LEPR: variants seen among roughly 807,000 people sequenced by gnomAD.
LEPR encodes OB receptor.
In LEPR, 56 loss-of-function variants were observed where a neutral mutation model predicts 114.7. The observed-to-expected ratio is 0.49, with a 90% CI of 0.39 to 0.61. LEPR has a LOEUF of 0.61. LEPR is among the 20% of genes least tolerant of loss of function. The pLI, the probability that LEPR is intolerant of heterozygous loss-of-function variation, is 0.00. For synonymous variants in LEPR, 443 were observed against 461.4 expected (o/e 0.96, Z 0.51); for missense variants, 1,202 against 1,352.9 (o/e 0.89, Z 1.75).
At chr1:65,552,707 C>T (rs1652495029) in intron 2 of LEPR, among the ~76,000 whole-genome samples, 1 of 152,070 alleles carries the variant, frequency 6.6e-6, no homozygotes, top group Middle Eastern at 3.2e-3. Context: ...GGCATTTAGC[C>T]CATTTACATT....
chr1:65,567,150 G>A (rs2100790697), intron 3 of LEPR, among the ~76,000 whole-genome samples: 1 of 152,256 alleles, frequency 6.6e-6, no homozygotes, highest in South Asian at 2.1e-4. Flanking sequence ...TTAGAGTTTA[G>A]GATTCATTTG....
intron 2 of LEPR, chr1:65,427,729 G>C (rs1297524999): frequency 2.7e-6 from 1 of 363,650 alleles, no homozygotes; most frequent in South Asian, 2.1e-5. Context: ...ACTCATTACT[G>C]CTACTACAAA....
At chr1:65,447,624 C>T (rs1030463662) in intron 2 of LEPR, among the ~76,000 whole-genome samples, 1 of 151,662 alleles carries the variant, frequency 6.6e-6, no homozygotes, top group African/African-American at 2.4e-5. Context: ...CTTTGGCCTC[C>T]TGGGCTCAGG....
At position 65,464,102 on chromosome 1, in the gene LEPR, T is replaced by G. The variant is rs563267152; in HGVS notation, c.-21+38724T>G. 1.6e-4 allele frequency among the ~76,000 whole-genome samples: 24 copies of G among 152,284 alleles called. No homozygotes were observed. In the South Asian group the frequency reaches 5.0e-3, roughly 32 times the overall value. On this transcript the variant is annotated intron_variant, in intron 2 of 19. Transcript: ENST00000349533. ...GAGAGAGGGCATCCTTGTCTTGTGCTGGTTTTCAAAGGGAATGCTTCCAGT... is the reference window on the plus strand; with the variant it reads ...GAGAGAGGGCATCCTTGTCTTGTGCGGGTTTTCAAAGGGAATGCTTCCAGT...
In LEPR at chr1:65,593,519, G is replaced by T. The variant is rs1655848709; in HGVS notation, c.703+654G>T. ...TAATTTATTAATTTCATTTAATTAT[G>T]TATAATTTAGCAGTTTTTCTCCACT... On this transcript the variant is annotated intron_variant, in intron 6 of 19. Coordinates refer to ENST00000349533, the MANE Select transcript of LEPR (RefSeq NM_002303.6). 2.0e-5 allele frequency among the ~76,000 whole-genome samples: 3 copies of T among 152,184 alleles called. No individual in the cohort carries two copies. The South Asian group carries it at 6.2e-4, about 31-fold the overall frequency.
At chr1:65,598,868 A>G in intron 8 of LEPR, 64 bp downstream of exon 8, 1 of 1,608,000 alleles carries the variant, frequency 6.2e-7, no homozygotes, top group Non-Finnish European at 8.5e-7. Flanking sequence ...GCCTTTGTAT[A>G]GTATAAGCAT....
chr1:65,537,956 ATTCT>A (rs962228721), intron 2 of LEPR, among the ~76,000 whole-genome samples: 16 of 152,220 alleles, frequency 1.1e-4, no homozygotes, highest in African/African-American at 3.9e-4. Context: ...AGTTAAGGAG[ATTCT>A]TTCTTTCAAA....
At chr1:65,542,824 T>A (rs565252005) in intron 2 of LEPR, among the ~76,000 whole-genome samples, 1 of 152,162 alleles carries the variant, frequency 6.6e-6, no homozygotes, top group East Asian at 1.9e-4. Flanking sequence ...TAGTATTCCA[T>A]GGTGTATATG....
chr1:65,499,215 G>A (rs1003848741), intron 2 of LEPR, among the ~76,000 whole-genome samples: 6 of 152,064 alleles, frequency 3.9e-5, no homozygotes, highest in Non-Finnish European at 8.8e-5. Context: ...CTGTATTTTA[G>A]GACATAGGAA....
intron 2 of LEPR, among the ~76,000 whole-genome samples, chr1:65,479,068 C>A (rs1331064761): frequency 6.6e-6 from 1 of 152,142 alleles, no homozygotes; most frequent in Non-Finnish European, 1.5e-5. Flanking sequence ...AATTTCCAAT[C>A]CCAGAGGATT....
intron 19 of LEPR, chr1:65,626,291 T>A (rs1048633398): frequency 7.7e-7 from 1 of 1,305,284 alleles, no homozygotes; most frequent in African/African-American, 1.5e-5. Flanking sequence ...ATTGCCACAT[T>A]TTTTCAAGTT....
intron 2 of LEPR, among the ~76,000 whole-genome samples, chr1:65,438,944 A>G (rs1243023943): frequency 6.6e-6 from 1 of 152,156 alleles, no homozygotes; most frequent in African/African-American, 2.4e-5. Flanking sequence ...AAAGAGTTTA[A>G]TTTTCTAGGT....
chr1:65,420,725 A>T lies in LEPR; in HGVS notation c.-112A>T, dbSNP rs1193072522. The T allele has an allele frequency of 1.9e-6, 3 of 1,583,804 alleles. No individual in the cohort carries two copies. The highest frequency in any genetic ancestry group is 2.6e-6 in the Non-Finnish European group (3 of 1,167,428). The stretch of plus-strand genomic sequence containing the variant: ...CAGCCGCGGCCCCAGTTCGGGAGAC[A>T]TGGCGGGCGTTAAAGGTACATCGCG... On this transcript the variant is annotated 5_prime_UTR_variant, in exon 1 of 20. The change abolishes an upstream ATG in the 5' untranslated region. Transcript: ENST00000349533.
intron 5 of LEPR, among the ~76,000 whole-genome samples, chr1:65,589,172 A>G (rs372973330): frequency 7.9e-5 from 12 of 152,060 alleles, no homozygotes; most frequent in African/African-American, 2.9e-4. Context: ...GTGACTAATG[A>G]TGTTGAGCAT....
chr1:65,455,306 C>G (rs1570480998), intron 2 of LEPR, among the ~76,000 whole-genome samples: 1 of 152,238 alleles, frequency 6.6e-6, no homozygotes, highest in Non-Finnish European at 1.5e-5. Context: ...CTCTGTCCAG[C>G]TTTGTTCCGT....
At chr1:65,470,379 T>C (rs1316314821) in intron 2 of LEPR, among the ~76,000 whole-genome samples, 1 of 152,244 alleles carries the variant, frequency 6.6e-6, no homozygotes, top group Non-Finnish European at 1.5e-5. Context: ...CGGTAATCTT[T>C]GGCTGGTCTT....
At chr1:65,602,565 G>T (rs917512102) in intron 10 of LEPR, among the ~76,000 whole-genome samples, 1 of 152,012 alleles carries the variant, frequency 6.6e-6, no homozygotes, top group African/African-American at 2.4e-5. Flanking sequence ...TATCTAAAAT[G>T]ATACAACCCT....
At chr1:65,617,484 T>C (rs908281323) in intron 15 of LEPR, among the ~76,000 whole-genome samples, 1 of 152,168 alleles carries the variant, frequency 6.6e-6, no homozygotes, top group African/African-American at 2.4e-5. Context: ...GTGGCTTTGG[T>C]GTGGGAAATC....
Position 65,601,930 on chromosome 1 carries a change from C to A in LEPR, c.1373C>A (p.Ala458Glu), listed in dbSNP as rs138922570. 3.1e-6 allele frequency: 5 copies of A among 1,613,528 alleles called. No individual in the cohort carries two copies. Among genetic ancestry groups the A allele is most frequent in the Non-Finnish European group, 4.2e-6 (5 of 1,179,600 alleles). The change falls in exon 10 of 20, where the codon GCG becomes GAG. Residue 458 changes from alanine to glutamate, a missense_variant. Ala to Glu is a moderately radical substitution (Grantham distance 107). Coordinates refer to ENST00000349533, the MANE Select transcript of LEPR (RefSeq NM_002303.6). The stretch of plus-strand genomic sequence containing the variant: ...TCAACCAGTACAATCCAGTCACTTG[C>A]GGAAAGCACTTTGCAATTGAGGTAT... The part of the protein sequence containing the change: ...RWSTSTIQSL[A>E]ESTLQLRYHR...
Sources: allele counts gnomAD v4.1 joint callset (sites outside exome capture counted in the v4.1 genomes callset), GRCh38; gene constraint gnomAD v4.1.1; transcripts MANE v1.5; gene names NCBI Gene and HGNC (gene_info 2026-07-23, HGNC 2026-07-21).